UTRN: variants seen among roughly 807,000 people sequenced by gnomAD.
UTRN encodes the protein dystrophin-related protein 1.
Under a neutral mutation model 463.9 loss-of-function variants are expected in UTRN, and 283 were observed. That is an observed-to-expected ratio of 0.61 (90% CI 0.55 to 0.67). The LOEUF (loss-of-function observed/expected upper bound fraction) is 0.67. UTRN is among the 30% of genes least tolerant of loss of function. The probability of loss-of-function intolerance (pLI) is 0.00; values close to 1 mark genes in which losing one functional copy is unlikely to be tolerated. For missense variants in UTRN, 3,922 were observed against 4,084.3 expected, an observed-to-expected ratio of 0.96 and a Z score of 1.08; for synonymous variants, 1,442 against 1,431.5, an observed-to-expected ratio of 1.01 and a Z score of -0.17.
At chr6:144,790,499 C>G (rs1776667423) in intron 62 of UTRN, among the ~76,000 whole-genome samples, 1 of 152,110 alleles carries the variant, frequency 6.6e-6, no homozygotes, top group African/African-American at 2.4e-5. Flanking sequence ...CTTGTTTTTT[C>G]TACATAGTTT....
Position 144,851,738 on chromosome 6 carries a change from A to C in UTRN, c.*741A>C, listed in dbSNP as rs1782495841. ...AAGCCTAAATGGCATTTCTTTTGGG[A>C]TATTTTTCCTGCATTTTATTCCCTT... is the stretch of plus-strand genomic sequence containing the variant. On this transcript the variant is annotated 3_prime_UTR_variant, in exon 75 of 75. Coordinates refer to ENST00000367545, the MANE Select transcript of UTRN (RefSeq NM_007124.3). 6.6e-6 allele frequency: 1 copy of C among 152,156 alleles called. No homozygotes were observed. The highest frequency in any genetic ancestry group is 2.4e-5 in the African/African-American group (1 of 41,448). The allele number at this position is 152,156 out of a possible 1,614,324, so 9.4% of individuals were successfully genotyped here.
chr6:144,737,534 T>C (rs924956274), intron 54 of UTRN, among the ~76,000 whole-genome samples: 5 of 152,202 alleles, frequency 3.3e-5, no homozygotes, highest in Non-Finnish European at 1.5e-5. Context: ...CATAGGAATT[T>C]ATATTATATT....
intron 62 of UTRN, among the ~76,000 whole-genome samples, chr6:144,789,872 T>C (rs1415032363): frequency 6.6e-6 from 1 of 152,214 alleles, no homozygotes; most frequent in Non-Finnish European, 1.5e-5. Context: ...ACAGTGTTCC[T>C]TTACCTGTCA....
Position 144,641,671 on chromosome 6 carries a change from A to G in UTRN, c.7480-36735A>G, listed in dbSNP as rs117118243. Among the ~76,000 whole-genome samples, 733 of 152,294 alleles carry G rather than the reference A, an allele frequency of 4.8e-3. 7 individuals carry two copies. The highest frequency in any genetic ancestry group is 0.016 in the South Asian group (76 of 4,816). ...TTATGGAAATGATTCCTTGGCCCTA[A>G]GGTAATTATAGATTCTGGATGCCAT... On this transcript the variant is annotated intron_variant, in intron 51 of 74. Coordinates refer to ENST00000367545, the MANE Select transcript of UTRN (RefSeq NM_007124.3).
chr6:144,662,009 A>C (rs1157173492), intron 51 of UTRN, among the ~76,000 whole-genome samples: 1 of 150,620 alleles, frequency 6.6e-6, no homozygotes, highest in African/African-American at 2.4e-5. Flanking sequence ...ATTATTATCT[A>C]TTTATTTATT....
intron 37 of UTRN, among the ~76,000 whole-genome samples, chr6:144,515,478 G>GT (rs980990106): frequency 0.034 from 4,868 of 144,780 alleles, 207 homozygotes; most frequent in African/African-American, 0.11. Context: ...CACAGAACTT[G>GT]TTTTTTTTTT....
Position 144,656,637 on chromosome 6 carries a change from C to G in UTRN, c.7480-21769C>G, listed in dbSNP as rs4895648. Among the ~76,000 whole-genome samples, 861 of 152,200 alleles carry G rather than the reference C, an allele frequency of 5.7e-3. 23 individuals carry two copies. The highest frequency in any genetic ancestry group is 0.038 in the Admixed American group (575 of 15,286). On this transcript the variant is annotated intron_variant, in intron 51 of 74. Coordinates refer to ENST00000367545, the MANE Select transcript of UTRN (RefSeq NM_007124.3). Reference sequence around the variant, plus strand: ...ACAAATTCATGATGAAATGTGCTCACTTTTATAAAAGCAACTCACATTTAC... The same window carrying G: ...ACAAATTCATGATGAAATGTGCTCAGTTTTATAAAAGCAACTCACATTTAC...
chr6:144,687,074 C>G (rs1782846754), intron 52 of UTRN, among the ~76,000 whole-genome samples: 2 of 152,050 alleles, frequency 1.3e-5, no homozygotes, highest in African/African-American at 2.4e-5. Flanking sequence ...TGTGGCTGGT[C>G]TTGTATTGAC....
chr6:144,406,066 C>T (rs1783366472), intron 3 of UTRN, among the ~76,000 whole-genome samples: 1 of 152,170 alleles, frequency 6.6e-6, no homozygotes, highest in South Asian at 2.1e-4. Flanking sequence ...CTTGGATAGA[C>T]CAGTTTTTGC....
At chr6:144,805,225 C>A (rs942272738) in intron 65 of UTRN, among the ~76,000 whole-genome samples, 7 of 151,946 alleles carry the variant, frequency 4.6e-5, no homozygotes, top group Non-Finnish European at 7.4e-5. Context: ...TCAGAGTATA[C>A]CCAGAAAGAT....
chr6:144,326,534 GGGAGTGTTT>G (rs1775984994), intron 2 of UTRN, among the ~76,000 whole-genome samples: 1 of 152,152 alleles, frequency 6.6e-6, no homozygotes, highest in African/African-American at 2.4e-5. Context: ...TGATGATGAT[GGGAGTGTTT>G]TCTCTGAGAC....
At chr6:144,737,898 C>T (rs1789609647) in intron 54 of UTRN, among the ~76,000 whole-genome samples, 1 of 151,890 alleles carries the variant, frequency 6.6e-6, no homozygotes, top group African/African-American at 2.4e-5. Flanking sequence ...AATCTCTCAT[C>T]CTTTGCATTG....
chr6:144,328,714 CA>C (rs1425345158), intron 2 of UTRN, among the ~76,000 whole-genome samples: 1 of 152,006 alleles, frequency 6.6e-6, no homozygotes, highest in East Asian at 1.9e-4. Flanking sequence ...GTTAATAGAT[CA>C]GGGTTTTTAT....
At chr6:144,582,050 G>C (rs142294102) in intron 51 of UTRN, among the ~76,000 whole-genome samples, 133 of 152,250 alleles carry the variant, frequency 8.7e-4, no homozygotes, top group African/African-American at 2.9e-3. Context: ...GATACAGGCA[G>C]AAGTCCACAG....
In UTRN at chr6:144,482,408, G is replaced by GTCA; in HGVS notation, c.3687+21_3687+22insCAT. The GTCA allele has an allele frequency of 8.8e-7, 1 of 1,139,250 alleles. No individual in the cohort carries two copies. The highest frequency in any genetic ancestry group is 1.1e-6 in the Non-Finnish European group (1 of 881,734). 70.6% of individuals were successfully genotyped at this position (1,139,250 alleles called of 1,614,324 possible). On this transcript the variant is annotated intron_variant, in intron 27 of 74. Coordinates refer to ENST00000367545, the MANE Select transcript of UTRN (RefSeq NM_007124.3). The stretch of plus-strand genomic sequence containing the variant: ...CTAGAGGTATGCTATTATTATTATT[G>GTCA]TTGTTATTATTATTATTATTATTAT...
chr6:144,353,798 G>C (rs1778321498), intron 2 of UTRN, among the ~76,000 whole-genome samples: 1 of 152,094 alleles, frequency 6.6e-6, no homozygotes, highest in Non-Finnish European at 1.5e-5. Flanking sequence ...AATGAGCTGA[G>C]ATACTGCCAT....
intron 2 of UTRN, among the ~76,000 whole-genome samples, chr6:144,313,963 A>G (rs543567103): frequency 6.6e-6 from 1 of 152,136 alleles, no homozygotes; most frequent in East Asian, 1.9e-4. Context: ...TATAATATAC[A>G]TGTTATGTCT....
chr6:144,745,324 A>T (rs1180239184), intron 54 of UTRN, among the ~76,000 whole-genome samples: 1 of 149,274 alleles, frequency 6.7e-6, no homozygotes, highest in African/African-American at 2.5e-5. Context: ...TTTATTATTT[A>T]TTTTACCCCA....
At chr6:144,656,609 A>G (rs902050688) in intron 51 of UTRN, among the ~76,000 whole-genome samples, 3 of 152,178 alleles carry the variant, frequency 2.0e-5, no homozygotes, top group African/African-American at 7.2e-5. Flanking sequence ...ATAGATATCA[A>G]ACACAAATTC....
Sources: gnomAD v4.1 joint callset for allele counts (sites outside exome capture counted in the v4.1 genomes callset) on GRCh38, gnomAD v4.1.1 for gene constraint, MANE v1.5 for transcripts, NCBI Gene and HGNC (gene_info 2026-07-23, HGNC 2026-07-21) for gene names.